The following SLC44A5 variants were observed in gnomAD, a reference collection of about 807,000 sequenced individuals.
SLC44A5 encodes the protein choline transporter-like protein 5.
In SLC44A5, 57 loss-of-function variants were observed where a neutral mutation model predicts 101.8. The ratio of observed to expected loss-of-function variants is 0.56; its 90% CI spans 0.45 to 0.70. SLC44A5 has a LOEUF of 0.70. Ranked by LOEUF, SLC44A5 falls within the 30% of genes least tolerant of loss-of-function variation. The pLI is 0.00. For synonymous variants in SLC44A5, 281 were observed against 290.9 expected (o/e 0.97, Z 0.35); for missense variants, 737 against 853.1 (o/e 0.86, Z 1.70).
the SLC44A5 span, among the ~76,000 whole-genome samples, chr1:75,669,042 G>A: frequency 1.3e-5 from 2 of 151,354 alleles, 1 homozygote; most frequent in African/African-American, 4.9e-5. Context: ...GGAAGAGGAA[G>A]CAGACCAATA....
intron 2 of SLC44A5, among the ~76,000 whole-genome samples, chr1:75,496,795 A>G (rs552283853): frequency 1.6e-4 from 25 of 152,082 alleles, no homozygotes; most frequent in Non-Finnish European, 3.2e-4. Flanking sequence ...AAAAATACAA[A>G]TAGCCCAATT....
chr1:75,535,632 G>T (rs1190114083), intron 2 of SLC44A5, among the ~76,000 whole-genome samples: 1 of 151,894 alleles, frequency 6.6e-6, no homozygotes, highest in Non-Finnish European at 1.5e-5. Flanking sequence ...AGACAAACAG[G>T]GTAGCCAGGA....
the SLC44A5 span, among the ~76,000 whole-genome samples, chr1:75,648,581 C>G: frequency 6.6e-6 from 1 of 151,982 alleles, no homozygotes; most frequent in African/African-American, 2.4e-5. Context: ...AGAGAGTGAC[C>G]TTCCTAGATT....
chr1:75,422,256 G>T (rs1358894693), intron 2 of SLC44A5, among the ~76,000 whole-genome samples: 2 of 152,154 alleles, frequency 1.3e-5, no homozygotes, highest in Non-Finnish European at 2.9e-5. Flanking sequence ...TCTTCTAAGA[G>T]ATATGATTTC....
intron 2 of SLC44A5, among the ~76,000 whole-genome samples, chr1:75,479,854 C>A (rs1280058283): frequency 6.6e-6 from 1 of 151,956 alleles, no homozygotes; most frequent in Non-Finnish European, 1.5e-5. Flanking sequence ...CCTTCTGAAA[C>A]TATTCCAATC....
In SLC44A5 at chr1:75,378,713, C is replaced by T. The variant is rs1570054694; in HGVS notation, c.52+17870G>A. ...AGGAAAAGGTCCAGAATTAATGGGG[C>T]CATCAGAGTCTAAACCACGAGGCAC... On this transcript the variant is annotated intron_variant, in intron 3 of 23. Coordinates refer to ENST00000370859, the MANE Select transcript of SLC44A5 (RefSeq NM_001130058.2). Among the ~76,000 whole-genome samples, 2 of 78,982 alleles carry T rather than the reference C, an allele frequency of 2.5e-5. 1 individual carries two copies. Among genetic ancestry groups the T allele is most frequent in the African/African-American group, 1.8e-4 (2 of 11,262 alleles). 51.8% of individuals were successfully genotyped at this position (78,982 alleles called of 152,430 possible). A position where few individuals can be genotyped will look rare whatever the true frequency, so the allele number is the denominator to read the frequency against.
intron 2 of SLC44A5, among the ~76,000 whole-genome samples, chr1:75,410,340 C>G (rs1466019285): frequency 6.6e-6 from 1 of 151,926 alleles, no homozygotes; most frequent in Non-Finnish European, 1.5e-5. Flanking sequence ...CCTGCCATGC[C>G]TATTTATAAG....
chr1:75,612,081 A>G (rs1675679727), upstream of SLC44A5, among the ~76,000 whole-genome samples: 6 of 152,182 alleles, frequency 3.9e-5, no homozygotes, highest in Admixed American at 3.9e-4. Context: ...AGGGATTCCT[A>G]GAGATGCTAT....
At chr1:75,460,002 T>G (rs1181304733) in intron 2 of SLC44A5, among the ~76,000 whole-genome samples, 3 of 151,996 alleles carry the variant, frequency 2.0e-5, no homozygotes, top group Admixed American at 2.0e-4. Context: ...TCTTGGAGAG[T>G]TGGTTTTAAA....
chr1:75,358,703 A>G (rs1387956371), intron 3 of SLC44A5, among the ~76,000 whole-genome samples: 3 of 152,180 alleles, frequency 2.0e-5, no homozygotes, highest in Non-Finnish European at 2.9e-5. Flanking sequence ...ATAATTTTTT[A>G]TTAACATTAT....
At chr1:75,278,364 G>A (rs1557610415) in intron 5 of SLC44A5, among the ~76,000 whole-genome samples, 1 of 152,024 alleles carries the variant, frequency 6.6e-6, no homozygotes, top group Non-Finnish European at 1.5e-5. Context: ...TGTTCTAGTA[G>A]AAAGAACAGT....
chr1:75,703,888 AG>A, the SLC44A5 span, among the ~76,000 whole-genome samples: 3 of 151,992 alleles, frequency 2.0e-5, no homozygotes, highest in Admixed American at 1.3e-4. Flanking sequence ...AAGGAATCAA[AG>A]AAAAAAAAAA....
At chr1:75,480,537 T>G (rs1667773265) in intron 2 of SLC44A5, among the ~76,000 whole-genome samples, 1 of 152,206 alleles carries the variant, frequency 6.6e-6, no homozygotes, top group Non-Finnish European at 1.5e-5. Context: ...CTTAAGCTGA[T>G]AAGCAACTTC....
chr1:75,261,656 C>T (rs527444594), intron 6 of SLC44A5, among the ~76,000 whole-genome samples: 1 of 152,224 alleles, frequency 6.6e-6, no homozygotes, highest in South Asian at 2.1e-4. Context: ...GGAATCCTCC[C>T]TAAATCATTT....
At chr1:75,579,921 G>A (rs1307878649) in intron 1 of SLC44A5, among the ~76,000 whole-genome samples, 1 of 151,862 alleles carries the variant, frequency 6.6e-6, no homozygotes, top group African/African-American at 2.4e-5. Context: ...CAAATGGTCA[G>A]CATTTAAGAT....
intron 4 of SLC44A5, among the ~76,000 whole-genome samples, chr1:75,331,164 A>T (rs1488628678): frequency 6.6e-6 from 1 of 151,990 alleles, no homozygotes; most frequent in Non-Finnish European, 1.5e-5. Context: ...TTTAAGTCTT[A>T]TCTGTAGGCA....
At chr1:75,385,825 A>T (rs11485278) in intron 3 of SLC44A5, among the ~76,000 whole-genome samples, 1 of 151,504 alleles carries the variant, frequency 6.6e-6, no homozygotes, top group Non-Finnish European at 1.5e-5. Flanking sequence ...TACTGGCAAA[A>T]CGAATCCAGC....
chr1:75,334,404 C>T (rs968149188), intron 4 of SLC44A5, among the ~76,000 whole-genome samples: 7 of 152,126 alleles, frequency 4.6e-5, no homozygotes, highest in Non-Finnish European at 7.4e-5. Flanking sequence ...ATTTAAAAGA[C>T]GATTTCAGTA....
the SLC44A5 span, among the ~76,000 whole-genome samples, chr1:75,694,468 T>A: frequency 6.6e-6 from 1 of 152,120 alleles, no homozygotes; most frequent in Non-Finnish European, 1.5e-5. Flanking sequence ...TCACTATTTT[T>A]AAAAAACATG....
Sources: gnomAD v4.1 joint callset for allele counts (sites outside exome capture counted in the v4.1 genomes callset) on GRCh38, gnomAD v4.1.1 for gene constraint, MANE v1.5 for transcripts, NCBI Gene and HGNC (gene_info 2026-07-23, HGNC 2026-07-21) for gene names.